ATF2: variants seen among roughly 807,000 people sequenced by gnomAD.
The protein encoded by ATF2 is activating transcription factor 2, also known as cyclic AMP-dependent transcription factor ATF-2.
Under a neutral mutation model 60.6 loss-of-function variants are expected in ATF2, and 24 were observed. The observed-to-expected ratio is 0.40, with a 90% CI of 0.29 to 0.56. The LOEUF is 0.56. ATF2 is among the 20% of genes least tolerant of loss of function. The pLI is 0.54. For missense variants in ATF2, 433 were observed against 607.7 expected, an observed-to-expected ratio of 0.71 and a Z score of 3.02; for synonymous variants, 206 against 215.4, an observed-to-expected ratio of 0.96 and a Z score of 0.38.
At chr2:175,159,743 T>C (rs375918659) in intron 1 of ATF2, among the ~76,000 whole-genome samples, 20 of 152,294 alleles carry the variant, frequency 1.3e-4, no homozygotes, top group African/African-American at 4.6e-4. Flanking sequence ...AGAAAGCAAG[T>C]AGTTTTATAG....
At chr2:175,147,146 A>G (rs1433235) in intron 2 of ATF2, among the ~76,000 whole-genome samples, 39,763 of 152,088 alleles carry the variant, frequency 0.26, 6,176 homozygotes, top group African/African-American at 0.44. Flanking sequence ...CATTTATTCT[A>G]TTAGCTCCTT....
rs984537940 is a variant in ATF2 at position 175,165,738 on chromosome 2, C to T, written c.-143+2312G>A. Among the ~76,000 whole-genome samples the T allele has an allele frequency of 5.3e-4, 80 of 152,166 alleles. 1 individual carries two copies. Among genetic ancestry groups the T allele is most frequent in the Non-Finnish European group, 7.3e-5 (5 of 68,034 alleles). ...AGGTTGGAGTGCAGTGGCGCCATCT[C>T]GGCTCACTGCAACCTCCGCCTCCCA... On this transcript the variant is annotated intron_variant, in intron 1 of 13. Coordinates refer to ENST00000264110, the MANE Select transcript of ATF2 (RefSeq NM_001880.4).
intron 1 of ATF2, among the ~76,000 whole-genome samples, chr2:175,155,860 CAG>C (rs1699639727): frequency 2.0e-5 from 3 of 152,034 alleles, no homozygotes; most frequent in South Asian, 2.1e-4. Context: ...CTGGAAAAAA[CAG>C]AAATTATATT....
chr2:175,160,827 G>T (rs916627379), intron 1 of ATF2, among the ~76,000 whole-genome samples: 3 of 152,050 alleles, frequency 2.0e-5, no homozygotes, highest in Non-Finnish European at 4.4e-5. Flanking sequence ...GATCGCTTGA[G>T]CCTGGGAGTT....
At chr2:175,095,557 T>C (rs1694878134) in intron 11 of ATF2, among the ~76,000 whole-genome samples, 1 of 152,234 alleles carries the variant, frequency 6.6e-6, no homozygotes, top group Admixed American at 6.5e-5. Context: ...TACATTTGTA[T>C]ATTTTTATGC....
chr2:175,114,408 G>T, intron 8 of ATF2: 1 of 1,249,586 alleles, frequency 8.0e-7, no homozygotes, highest in South Asian at 2.6e-5. Flanking sequence ...GAAAGAAATG[G>T]AATCTGGTGA....
intron 2 of ATF2, among the ~76,000 whole-genome samples, chr2:175,150,295 T>G (rs545269113): frequency 1.3e-5 from 2 of 152,230 alleles, no homozygotes; most frequent in Admixed American, 1.3e-4. Context: ...GATCCAGGTG[T>G]GACAAAAAAC....
At chr2:175,108,454 G>A (rs1044358047) in intron 10 of ATF2, among the ~76,000 whole-genome samples, 3 of 149,582 alleles carry the variant, frequency 2.0e-5, no homozygotes, top group African/African-American at 7.5e-5. Flanking sequence ...CCCCGTCCGG[G>A]AGGGAGGTGG....
rs370025167 is a variant in ATF2 at position 175,092,003 on chromosome 2, G to A, written c.1185+1058C>T. Among the ~76,000 whole-genome samples, 47 of 152,126 alleles carry A rather than the reference G, an allele frequency of 3.1e-4. No homozygotes were observed. In the East Asian group the frequency reaches 5.8e-3, roughly 19 times the overall value. Reference sequence around the variant, plus strand: ...TCTTCTAAATCATTAAAATAAAATCGTTAAAAATAAGTTCTGCAAGACAAT... The same window carrying A: ...TCTTCTAAATCATTAAAATAAAATCATTAAAAATAAGTTCTGCAAGACAAT... On this transcript the variant is annotated intron_variant, in intron 12 of 13. Transcript: ENST00000264110.
intron 12 of ATF2, among the ~76,000 whole-genome samples, chr2:175,085,506 G>A (rs2105558135): frequency 6.7e-6 from 1 of 149,310 alleles, no homozygotes; most frequent in Middle Eastern, 3.5e-3. Context: ...GCTACAGAGT[G>A]AGACTCAAGT....
intron 10 of ATF2, among the ~76,000 whole-genome samples, chr2:175,103,677 TAA>T (rs75197426): frequency 9.1e-4 from 118 of 129,790 alleles, no homozygotes; most frequent in African/African-American, 1.9e-3. Flanking sequence ...TCACACATCT[TAA>T]AAAAAAAAAA....
rs146238974 is a variant in ATF2 at position 175,139,528 on chromosome 2, C to T, written c.-43-3042G>A. ...CTCTACTAACAATACAAAAATTAGT[C>T]GGGTGTGGTGGTTCATGCCTGTAAA... On this transcript the variant is annotated intron_variant, in intron 2 of 13. Transcript: ENST00000264110. Among the ~76,000 whole-genome samples, 15 of 151,962 alleles carry T rather than the reference C, an allele frequency of 9.9e-5. No individual in the cohort carries two copies. The East Asian group carries it at 2.3e-3, about 24-fold the overall frequency.
At chr2:175,126,853 C>T (rs921308266) in intron 4 of ATF2, 2 of 152,108 alleles carry the variant, frequency 1.3e-5, no homozygotes, top group Non-Finnish European at 2.9e-5. Context: ...ATTACAGAAT[C>T]AAGTTGTTTG....
chr2:175,150,350 T>A (rs1309899344), intron 2 of ATF2, among the ~76,000 whole-genome samples: 1 of 152,158 alleles, frequency 6.6e-6, no homozygotes, highest in Admixed American at 6.5e-5. Flanking sequence ...AGTCTATCAC[T>A]ATGTTTTGAA....
At position 175,074,375 on chromosome 2, in the gene ATF2, T is replaced by G. The variant is rs1348856219; in HGVS notation, c.*234A>C. 3 of 313,668 alleles carry G rather than the reference T, an allele frequency of 9.6e-6. No individual in the cohort carries two copies. The highest frequency in any genetic ancestry group is 7.1e-5 in the South Asian group (1 of 13,996). 19.4% of individuals were successfully genotyped at this position (313,668 alleles called of 1,614,324 possible). On this transcript the variant is annotated 3_prime_UTR_variant, in exon 14 of 14. Coordinates refer to ENST00000264110, the MANE Select transcript of ATF2 (RefSeq NM_001880.4). ...ATTTACACATTGAGCACAGAAAAATTAATAAATCTAATAATATTTATAAAA... is the reference window on the plus strand; with the variant it reads ...ATTTACACATTGAGCACAGAAAAATGAATAAATCTAATAATATTTATAAAA...
At chr2:175,152,451 G>T (rs1263495426) in intron 1 of ATF2, among the ~76,000 whole-genome samples, 1 of 152,170 alleles carries the variant, frequency 6.6e-6, no homozygotes, top group Non-Finnish European at 1.5e-5. Flanking sequence ...GTGTGGTCAA[G>T]GTGAGAATGA....
Position 175,072,907 on chromosome 2 carries a change from T to G in ATF2, c.*1702A>C, listed in dbSNP as rs1376999432. 3.9e-5 allele frequency: 6 copies of G among 152,176 alleles called. No homozygotes were observed. Among genetic ancestry groups the G allele is most frequent in the African/African-American group, 1.4e-4 (6 of 41,456 alleles). The allele number at this position is 152,176 out of a possible 1,614,324, so 9.4% of individuals were successfully genotyped here. On this transcript the variant is annotated 3_prime_UTR_variant, in exon 14 of 14. Transcript: ENST00000264110. ...TATATAATTTGAATGTTTCCCAGTTTGGAACTTAGGCAGGAGGGATATTTC... is the reference window on the plus strand; with the variant it reads ...TATATAATTTGAATGTTTCCCAGTTGGGAACTTAGGCAGGAGGGATATTTC...
In ATF2 at chr2:175,136,373, G is replaced by A. The variant is rs576973395; in HGVS notation, c.32+39C>T. On this transcript the variant is annotated intron_variant, in intron 3 of 13. Coordinates refer to ENST00000264110, the MANE Select transcript of ATF2 (RefSeq NM_001880.4). Reference sequence around the variant, plus strand: ...TATAAAGATTTTTACAACCCAAAATGTAAAAAATGGCTAAAAATACCAAAT... The same window carrying A: ...TATAAAGATTTTTACAACCCAAAATATAAAAAATGGCTAAAAATACCAAAT... The A allele has an allele frequency of 8.0e-5, 128 of 1,592,262 alleles. 1 individual carries two copies. The South Asian group carries it at 1.3e-3, about 17-fold the overall frequency.
intron 3 of ATF2, among the ~76,000 whole-genome samples, chr2:175,130,931 A>T (rs1287912017): frequency 1.1e-4 from 17 of 152,174 alleles, no homozygotes; most frequent in Non-Finnish European, 1.0e-4. Context: ...GTCCAAGTTT[A>T]AAAGTCTTGT....
Sources: gnomAD v4.1 joint callset for allele counts (sites outside exome capture counted in the v4.1 genomes callset) on GRCh38, gnomAD v4.1.1 for gene constraint, MANE v1.5 for transcripts, NCBI Gene and HGNC (gene_info 2026-07-23, HGNC 2026-07-21) for gene names.